LPP: variants seen among roughly 807,000 people sequenced by gnomAD.
LPP encodes the protein LIM domain containing preferred translocation partner in lipoma, also known as lipoma-preferred partner.
A neutral mutation model predicts 60.4 loss-of-function variants in LPP; 38 were observed. The observed-to-expected ratio is 0.63, with a 90% CI of 0.49 to 0.83. The LOEUF is 0.83. LPP is among the 40% of genes least tolerant of loss of function. The pLI is 0.00. For synonymous variants in LPP, 328 were observed against 290.8 expected (o/e 1.13, Z -1.30); for missense variants, 902 against 783.6 (o/e 1.15, Z -1.80).
At chr3:188,416,519 T>G (rs1351838646) in intron 4 of LPP, among the ~76,000 whole-genome samples, 1 of 152,162 alleles carries the variant, frequency 6.6e-6, no homozygotes, top group East Asian at 1.9e-4. Context: ...TGCCTTAATC[T>G]CCTTTGAACC....
chr3:188,336,150 G>A (rs1345763828), intron 2 of LPP, among the ~76,000 whole-genome samples: 1 of 152,082 alleles, frequency 6.6e-6, no homozygotes, highest in Admixed American at 6.5e-5. Context: ...TTTAGCCAAG[G>A]GGACTGCTCT....
chr3:188,450,694 G>A (rs1304268256), intron 4 of LPP, among the ~76,000 whole-genome samples: 8 of 151,106 alleles, frequency 5.3e-5, no homozygotes, highest in Admixed American at 4.0e-4. Context: ...GCAGTGAGCC[G>A]AGATCACGCC....
intron 3 of LPP, among the ~76,000 whole-genome samples, chr3:188,389,290 G>T (rs1024236093): frequency 1.3e-5 from 2 of 152,142 alleles, no homozygotes; most frequent in Non-Finnish European, 2.9e-5. Context: ...CCCCAGTACA[G>T]ACTAATAGGT....
chr3:188,346,691 G>A (rs1034675220), intron 3 of LPP, among the ~76,000 whole-genome samples: 1 of 152,144 alleles, frequency 6.6e-6, no homozygotes, highest in African/African-American at 2.4e-5. Flanking sequence ...TGAAATAGTT[G>A]GAAAATGCAG....
At chr3:188,664,877 C>T (rs1451369611) in intron 7 of LPP, among the ~76,000 whole-genome samples, 2 of 151,982 alleles carry the variant, frequency 1.3e-5, no homozygotes, top group South Asian at 2.1e-4. Context: ...CTGGTGCTAC[C>T]GGCATTGAAA....
intron 4 of LPP, among the ~76,000 whole-genome samples, chr3:188,410,651 G>T (rs1232751475): frequency 1.3e-5 from 2 of 152,006 alleles, no homozygotes; most frequent in African/African-American, 4.8e-5. Flanking sequence ...AGCTAACTTA[G>T]AATACCCCTA....
At chr3:188,662,048 G>A (rs1854698405) in intron 7 of LPP, among the ~76,000 whole-genome samples, 1 of 152,180 alleles carries the variant, frequency 6.6e-6, no homozygotes, top group Non-Finnish European at 1.5e-5. Context: ...AGAAGAGAAA[G>A]GAAAAGAAGG....
At chr3:188,717,669 T>C (rs1714598413) in intron 8 of LPP, among the ~76,000 whole-genome samples, 1 of 152,228 alleles carries the variant, frequency 6.6e-6, no homozygotes. Context: ...TGAGGCATAT[T>C]AGATATATTT....
intron 2 of LPP, among the ~76,000 whole-genome samples, chr3:188,276,892 TTC>T (rs869255090): frequency 0.19 from 14,406 of 74,816 alleles, 2,419 homozygotes; most frequent in Non-Finnish European, 0.26. Flanking sequence ...TTCTTTTCTT[TTC>T]TTTTTTTTTT....
intron 4 of LPP, among the ~76,000 whole-genome samples, chr3:188,443,667 ATT>A (rs1794577709): frequency 6.6e-6 from 1 of 152,120 alleles, no homozygotes; most frequent in Non-Finnish European, 1.5e-5. Context: ...ATGTTTCCTA[ATT>A]AGCAATGCTG....
At chr3:188,658,650 A>G (rs1487412212) in intron 7 of LPP, among the ~76,000 whole-genome samples, 1 of 152,168 alleles carries the variant, frequency 6.6e-6, no homozygotes, top group Non-Finnish European at 1.5e-5. Flanking sequence ...GATTAATAAC[A>G]CAAAAGACAC....
chr3:188,804,277 A>ATATATATATATATATATG lies in LPP; in HGVS notation c.1410+44001_1410+44002insTATATATATATGTATATA, dbSNP rs1388317207. ...TATATATATATATATATATATATAT[A>ATATATATATATATATATG]TATATAAAATGGAATACAATTCAGC... On this transcript the variant is annotated intron_variant, in intron 9 of 11. Coordinates refer to ENST00000617246, the MANE Select transcript of LPP (RefSeq NM_001375462.1). Among the ~76,000 whole-genome samples the ATATATATATATATATATG allele has an allele frequency of 2.5e-4, 32 of 126,130 alleles. 1 individual carries two copies. Among genetic ancestry groups the ATATATATATATATATATG allele is most frequent in the Admixed American group, 1.7e-3 (20 of 11,432 alleles). 82.7% of individuals were successfully genotyped at this position (126,130 alleles called of 152,430 possible). A position where few individuals can be genotyped will look rare whatever the true frequency, so the allele number is the denominator to read the frequency against.
rs1770584850 is a variant in LPP at position 188,885,744 on chromosome 3, C to G, written c.*11265C>G. On this transcript the variant is annotated 3_prime_UTR_variant, in exon 12 of 12. Coordinates refer to ENST00000617246, the MANE Select transcript of LPP (RefSeq NM_001375462.1). ...CTTCCACAATGGTTGAACTAGTTCA[C>G]AGTCCCACCAACAGTGTAAAAGTGT... 6.6e-6 allele frequency: 1 copy of G among 152,288 alleles called. No individual in the cohort carries two copies. The highest frequency in any genetic ancestry group is 6.5e-5 in the Admixed American group (1 of 15,286). 9.4% of individuals were successfully genotyped at this position (152,288 alleles called of 1,614,324 possible).
At chr3:188,667,287 G>A (rs573572761) in intron 7 of LPP, among the ~76,000 whole-genome samples, 1 of 151,948 alleles carries the variant, frequency 6.6e-6, no homozygotes, top group Non-Finnish European at 1.5e-5. Flanking sequence ...GACCATCCTG[G>A]CTAACACGGT....
At chr3:188,662,636 C>G (rs542906364) in intron 7 of LPP, among the ~76,000 whole-genome samples, 1 of 152,204 alleles carries the variant, frequency 6.6e-6, no homozygotes, top group Non-Finnish European at 1.5e-5. Flanking sequence ...ATACCCAAAG[C>G]TTAATTATGT....
At chr3:188,331,967 G>C (rs951059028) in intron 2 of LPP, among the ~76,000 whole-genome samples, 1 of 152,036 alleles carries the variant, frequency 6.6e-6, no homozygotes, top group African/African-American at 2.4e-5. Flanking sequence ...ATTATGTTTA[G>C]CTTGATCAAT....
intron 7 of LPP, among the ~76,000 whole-genome samples, chr3:188,621,994 C>G (rs1191747512): frequency 6.6e-6 from 1 of 152,072 alleles, no homozygotes; most frequent in Non-Finnish European, 1.5e-5. Context: ...ACTGAATGCT[C>G]TAAAAGTCAG....
chr3:188,456,779 C>T (rs1797835341), intron 4 of LPP, among the ~76,000 whole-genome samples: 1 of 152,186 alleles, frequency 6.6e-6, no homozygotes, highest in Non-Finnish European at 1.5e-5. Context: ...AGGAGCTCAA[C>T]TCTAAGAGTG....
At chr3:188,745,737 G>A (rs1372423555) in intron 8 of LPP, among the ~76,000 whole-genome samples, 4 of 152,114 alleles carry the variant, frequency 2.6e-5, no homozygotes, top group Non-Finnish European at 5.9e-5. Flanking sequence ...AACAGACTAA[G>A]GGGCTCCAGG....
Sources: gnomAD v4.1 joint callset for allele counts (sites outside exome capture counted in the v4.1 genomes callset) on GRCh38, gnomAD v4.1.1 for gene constraint, MANE v1.5 for transcripts, NCBI Gene and HGNC (gene_info 2026-07-23, HGNC 2026-07-21) for gene names.